The following CBR4 variants were observed in gnomAD, a reference collection of about 807,000 sequenced individuals.
The protein encoded by CBR4 is carbonyl reductase 4.
In CBR4, 22 loss-of-function variants were observed where a neutral mutation model predicts 21.0. The ratio of observed to expected loss-of-function variants is 1.05; its 90% CI spans 0.75 to 1.50. CBR4 has a LOEUF of 1.50. Ranked by LOEUF, CBR4 falls within the 40% of genes most tolerant of loss-of-function variation. The pLI is 0.00. For missense variants in CBR4, 302 were observed against 286.3 expected (o/e 1.05, Z -0.40); for synonymous variants, 100 against 104.4 (o/e 0.96, Z 0.26).
chr4:168,938,078 G>A (rs989005640), intron 2 of CBR4, among the ~76,000 whole-genome samples: 1 of 152,086 alleles, frequency 6.6e-6, no homozygotes, highest in Non-Finnish European at 1.5e-5. Flanking sequence ...ACACTCTTAG[G>A]CAAATGCAAA....
At chr4:168,986,780 A>C (rs1475601511), downstream of CBR4, among the ~76,000 whole-genome samples, 3 of 152,092 alleles carry the variant, frequency 2.0e-5, no homozygotes, top group African/African-American at 7.2e-5. Context: ...TTGTCTCTAC[A>C]AAAAAATATA....
Position 168,894,672 on chromosome 4 carries a change from A to C in CBR4, n.263T>G. ...TCAGGAGCCAGAAGAGGAAACAGCT[A>C]ATCAGGTACCATGTTGCTCTGGACT... On this transcript the variant is annotated non_coding_transcript_exon_variant, in exon 3 of 4. Transcript: ENST00000509108. 5 of 1,613,220 alleles carry C rather than the reference A, an allele frequency of 3.1e-6. No individual in the cohort carries two copies. Among genetic ancestry groups the C allele is most frequent in the Non-Finnish European group, 4.2e-6 (5 of 1,179,392 alleles).
intron 2 of CBR4, among the ~76,000 whole-genome samples, chr4:168,954,057 G>A (rs982357649): frequency 1.3e-5 from 2 of 152,032 alleles, no homozygotes; most frequent in African/African-American, 2.4e-5. Context: ...GGACCAAAAA[G>A]AGAGAAAGAG....
At position 168,896,208 on chromosome 4, in the gene CBR4, C is replaced by CAA. The variant is rs35567491; in HGVS notation, n.170-1445_170-1444dup. The stretch of plus-strand genomic sequence containing the variant: ...CAGGTGACAGAGCGAGACTCCATCT[C>CAA]AAAAAAAAAAAAAAAAGTGCATTTA... On this transcript the variant is annotated intron_variant and non_coding_transcript_variant, in intron 2 of 3. Transcript: ENST00000509108. Among the ~76,000 whole-genome samples, 1,221 of 132,046 alleles carry CAA rather than the reference C, an allele frequency of 9.2e-3. 17 individuals are homozygous for CAA. Among genetic ancestry groups the CAA allele is most frequent in the South Asian group, 0.025 (105 of 4,132 alleles). 86.6% of individuals were successfully genotyped at this position (132,046 alleles called of 152,430 possible). A position where few individuals can be genotyped will look rare whatever the true frequency, so the allele number is the denominator to read the frequency against.
rs1471401594 is a variant in CBR4, at chr4:168,989,223, T to C, written c.*927A>G. ...CAAAATACTCTTAATTTTTTAAATGTTGTATTTCTCGTTTTTAAATATTAA... is the reference window on the plus strand; with the variant it reads ...CAAAATACTCTTAATTTTTTAAATGCTGTATTTCTCGTTTTTAAATATTAA... On this transcript the variant is annotated 3_prime_UTR_variant, in exon 5 of 5. Coordinates refer to ENST00000306193, the MANE Select transcript of CBR4 (RefSeq NM_032783.5). 1.1e-5 allele frequency: 11 copies of C among 974,676 alleles called. No individual in the cohort carries two copies. Among genetic ancestry groups the C allele is most frequent in the Admixed American group, 6.1e-5 (1 of 16,278 alleles). 60.4% of individuals were successfully genotyped at this position (974,676 alleles called of 1,614,324 possible).
chr4:168,981,271 T>C (rs1275111844), intron 2 of CBR4, among the ~76,000 whole-genome samples: 1 of 151,980 alleles, frequency 6.6e-6, no homozygotes, highest in Non-Finnish European at 1.5e-5. Context: ...TGGTGGTGCA[T>C]GCCTGTAATC....
intron 2 of CBR4, among the ~76,000 whole-genome samples, chr4:168,958,208 G>A (rs1763744921): frequency 6.6e-6 from 1 of 151,512 alleles, no homozygotes; most frequent in Admixed American, 6.6e-5. Flanking sequence ...AGGTTGCAGT[G>A]AGCCAAGATC....
intron 2 of CBR4, among the ~76,000 whole-genome samples, chr4:168,906,566 T>C (rs1205571951): frequency 6.6e-6 from 1 of 152,168 alleles, no homozygotes; most frequent in Non-Finnish European, 1.5e-5. Context: ...ACATATAATA[T>C]CACATTGTAC....
chr4:168,967,465 C>T (rs1381237742), intron 2 of CBR4, among the ~76,000 whole-genome samples: 1 of 152,132 alleles, frequency 6.6e-6, no homozygotes, highest in African/African-American at 2.4e-5. Context: ...TGTAACAAAT[C>T]TGCACATTGT....
intron 2 of CBR4, chr4:168,897,848 G>A (rs1387573149): frequency 6.6e-6 from 1 of 151,398 alleles, no homozygotes; most frequent in East Asian, 1.9e-4. Context: ...CAAAATTTTG[G>A]CTAGACTGTC....
At chr4:168,999,154 C>G (rs1052373039) in intron 4 of CBR4, among the ~76,000 whole-genome samples, 1 of 152,032 alleles carries the variant, frequency 6.6e-6, no homozygotes, top group Non-Finnish European at 1.5e-5. Flanking sequence ...AAAAAGTCAA[C>G]AGTATTAGGC....
At chr4:168,923,923 ATAATCAC>A (rs1371272042) in intron 2 of CBR4, among the ~76,000 whole-genome samples, 5 of 75,720 alleles carry the variant, frequency 6.6e-5, no homozygotes, top group South Asian at 5.8e-4. Flanking sequence ...GATCGGTAAC[ATAATCAC>A]TAGTAGTGAA....
chr4:169,001,082 T>C (rs1426988468), intron 4 of CBR4: 1 of 151,984 alleles, frequency 6.6e-6, no homozygotes, highest in Non-Finnish European at 1.5e-5. Flanking sequence ...ACTCCTGGAC[T>C]CCAGCAATCC....
At chr4:169,002,036 C>T in intron 4 of CBR4, 35 bp downstream of exon 4, 1 of 1,503,336 alleles carries the variant, frequency 6.7e-7, no homozygotes. Flanking sequence ...AAACAATAAT[C>T]ATAATCAAGT....
At chr4:168,978,236 A>C (rs1397547948) in intron 2 of CBR4, among the ~76,000 whole-genome samples, 2 of 152,164 alleles carry the variant, frequency 1.3e-5, no homozygotes, top group East Asian at 3.9e-4. Flanking sequence ...TCTGAATGAA[A>C]GGCTTTACAG....
Position 169,002,197 on chromosome 4 carries a change from C to T in CBR4, c.409G>A (p.Val137Ile). Reference protein sequence around the residue: ...GGSIVNVGSIVGLKGNSGQSV... With the variant: ...GGSIVNVGSIIGLKGNSGQSV... ...TGGCCAGAGTTGCCTTTTAAGCCAA[C>T]AATGCTTCCTAGGACAAAAAAAAAA... Residue 137 changes from valine (V) to isoleucine (I), a missense_variant, in exon 4 of 5, where the codon GTT becomes ATT. Coordinates refer to ENST00000306193, the MANE Select transcript of CBR4 (RefSeq NM_032783.5). 2 of 741,994 alleles carry T rather than the reference C, an allele frequency of 2.7e-6. No individual in the cohort carries two copies. The highest frequency in any genetic ancestry group is 3.8e-6 in the Non-Finnish European group (2 of 531,680). 46.0% of individuals were successfully genotyped at this position (741,994 alleles called of 1,614,324 possible).
At chr4:168,977,223 C>A (rs1037015828) in intron 2 of CBR4, among the ~76,000 whole-genome samples, 1 of 152,216 alleles carries the variant, frequency 6.6e-6, no homozygotes. Flanking sequence ...ATCTCCCCCA[C>A]AAAAACAATT....
intron 2 of CBR4, among the ~76,000 whole-genome samples, chr4:168,913,056 C>T (rs1479438302): frequency 6.6e-6 from 1 of 151,924 alleles, no homozygotes. Context: ...CTCTCCTTAT[C>T]ATCCCACGCA....
At position 168,995,156 on chromosome 4, in the gene CBR4, A is replaced by C. The variant is rs989986862; in HGVS notation, c.536-4828T>G. 1.4e-4 allele frequency among the ~76,000 whole-genome samples: 22 copies of C among 152,294 alleles called. 1 individual carries two copies. Among genetic ancestry groups the C allele is most frequent in the Admixed American group, 1.2e-3 (18 of 15,302 alleles). On this transcript the variant is annotated intron_variant, in intron 4 of 4. Coordinates refer to ENST00000306193, the MANE Select transcript of CBR4 (RefSeq NM_032783.5). ...ACTTGACTTGAACTTTAGGAATGTA[A>C]GTTCCCTTAAAAGGGCCCTCAGTTC...
Sources: allele counts gnomAD v4.1 joint callset (sites outside exome capture counted in the v4.1 genomes callset), GRCh38; gene constraint gnomAD v4.1.1; transcripts MANE v1.5; gene names NCBI Gene and HGNC (gene_info 2026-07-23, HGNC 2026-07-21).